Variants in IL1RAPL1 observed in about 807,000 individuals in gnomAD.
IL1RAPL1 encodes interleukin 1 receptor accessory protein like 1.
Under a neutral mutation model 48.4 loss-of-function variants are expected in IL1RAPL1, and 3 were observed. That is an observed-to-expected ratio of 0.06 (90% CI 0.03 to 0.16). The LOEUF is 0.16. IL1RAPL1 is among the 10% of genes least tolerant of loss of function. The probability of loss-of-function intolerance (pLI) is 1.00; values close to 1 mark genes in which losing one functional copy is unlikely to be tolerated. For synonymous variants in IL1RAPL1, 185 were observed against 187.7 expected (o/e 0.99, Z 0.12); for missense variants, 349 against 530.6 (o/e 0.66, Z 3.36).
At chrX:29,124,291 G>C (rs1377098881) in intron 2 of IL1RAPL1, among the ~76,000 whole-genome samples, 1 of 112,212 alleles carries the variant, frequency 8.9e-6, no homozygotes, top group African/African-American at 3.2e-5. Context: ...AGGTACTAGA[G>C]CTCTATGTAT....
intron 2 of IL1RAPL1, among the ~76,000 whole-genome samples, chrX:28,812,114 G>T (rs1936799061): frequency 9.0e-6 from 1 of 110,856 alleles, no homozygotes; most frequent in African/African-American, 3.3e-5. Context: ...TAGCATATTT[G>T]AATTACAGAG....
chrX:28,938,508 T>A (rs904806596), intron 2 of IL1RAPL1, among the ~76,000 whole-genome samples: 1 of 111,290 alleles, frequency 9.0e-6, no homozygotes, highest in African/African-American at 3.3e-5. Context: ...TTATACCATA[T>A]ACAAAAATCA....
At chrX:28,968,937 T>A (rs915229436) in intron 2 of IL1RAPL1, among the ~76,000 whole-genome samples, 1 of 112,845 alleles carries the variant, frequency 8.9e-6, no homozygotes, top group Non-Finnish European at 1.9e-5. Context: ...TTAGACTAAT[T>A]TATTGAATAA....
intron 2 of IL1RAPL1, among the ~76,000 whole-genome samples, chrX:29,158,527 C>T (rs1929611232): frequency 9.0e-6 from 1 of 110,885 alleles, no homozygotes; most frequent in Non-Finnish European, 1.9e-5. Context: ...AGGCACCTGC[C>T]ACCATGCCTG....
intron 6 of IL1RAPL1, among the ~76,000 whole-genome samples, chrX:29,720,725 A>T (rs1927618380): frequency 9.0e-6 from 1 of 111,664 alleles, no homozygotes; most frequent in African/African-American, 3.3e-5. Flanking sequence ...CACGTTCTGC[A>T]CATGTATCCT....
intron 6 of IL1RAPL1, among the ~76,000 whole-genome samples, chrX:29,736,048 G>T (rs1180004132): frequency 8.9e-6 from 1 of 112,101 alleles, no homozygotes; most frequent in African/African-American, 3.2e-5. Flanking sequence ...ATTATGATCA[G>T]CTAGACCACA....
chrX:29,444,679 A>G (rs1001225170), intron 5 of IL1RAPL1, among the ~76,000 whole-genome samples: 2 of 112,108 alleles, frequency 1.8e-5, no homozygotes, highest in African/African-American at 6.5e-5. Flanking sequence ...TGAGATCAGC[A>G]GGGTGTTATA....
rs181062760 is a variant in IL1RAPL1 at position 29,036,548 on chromosome X, T to C, written c.83-246390T>C. Among the ~76,000 whole-genome samples the C allele has an allele frequency of 1.2e-3, 134 of 112,085 alleles. 1 individual carries two copies. Among genetic ancestry groups the C allele is most frequent in the Non-Finnish European group, 2.0e-3 (106 of 53,161 alleles). On this transcript the variant is annotated intron_variant, in intron 2 of 10. Transcript: ENST00000378993. ...TCTCTTAATTACTGCTGGAAAATAT[T>C]GTCAAGGTTGGGAAGTTCTTTTAAT... is the stretch of plus-strand genomic sequence containing the variant.
At chrX:29,710,660 A>G (rs1358882042) in intron 6 of IL1RAPL1, among the ~76,000 whole-genome samples, 1 of 105,143 alleles carries the variant, frequency 9.5e-6, no homozygotes, top group Non-Finnish European at 1.9e-5. Context: ...ACTTTTATTG[A>G]ATAGTTTATC....
chrX:29,575,797 A>G (rs1922755404), intron 5 of IL1RAPL1, among the ~76,000 whole-genome samples: 1 of 111,809 alleles, frequency 8.9e-6, no homozygotes, highest in Non-Finnish European at 1.9e-5. Context: ...AATCAGAACA[A>G]TTTCCCCATC....
rs1307083618 is a variant in IL1RAPL1, at chrX:29,614,635, G to A, written c.704-53795G>A. Among the ~76,000 whole-genome samples, 4 of 111,505 alleles carry A rather than the reference G, an allele frequency of 3.6e-5. No individual in the cohort carries two copies. The Admixed American group carries it at 3.8e-4, about 11-fold the overall frequency. On this transcript the variant is annotated intron_variant, in intron 5 of 10. Coordinates refer to ENST00000378993, the MANE Select transcript of IL1RAPL1 (RefSeq NM_014271.4). ...ACACATATAGTTAATATTAGTGTAC[G>A]GTAAAGCTTCTCCACACATCTAGGA...
chrX:29,473,165 T>C (rs769955989), intron 5 of IL1RAPL1, among the ~76,000 whole-genome samples: 1 of 111,871 alleles, frequency 8.9e-6, no homozygotes, highest in African/African-American at 3.2e-5. Context: ...GCCATTGTTA[T>C]CTTCTTGTTG....
chrX:29,693,520 T>C (rs1427759501), intron 6 of IL1RAPL1, among the ~76,000 whole-genome samples: 2 of 112,555 alleles, frequency 1.8e-5, no homozygotes, highest in African/African-American at 6.5e-5. Context: ...TGCATGTGAC[T>C]TTAGGAAATT....
At chrX:29,010,222 T>C (rs763138879) in intron 2 of IL1RAPL1, among the ~76,000 whole-genome samples, 25 of 111,928 alleles carry the variant, frequency 2.2e-4, no homozygotes, top group Non-Finnish European at 3.2e-4. Context: ...CTTTTCCTAT[T>C]TGAATGCCTT....
intron 5 of IL1RAPL1, among the ~76,000 whole-genome samples, chrX:29,411,554 A>G (rs1271704929): frequency 9.0e-6 from 1 of 111,601 alleles, no homozygotes; most frequent in African/African-American, 3.3e-5. Context: ...TCATTATAAT[A>G]ACCCTGCCAG....
chrX:29,776,079 C>T (rs1929189366), intron 6 of IL1RAPL1, among the ~76,000 whole-genome samples: 1 of 111,749 alleles, frequency 8.9e-6, no homozygotes, highest in African/African-American at 3.3e-5. Flanking sequence ...AGCTTTCTCA[C>T]TTCCGCTAGA....
chrX:29,598,610 C>A (rs1008630770), intron 5 of IL1RAPL1, among the ~76,000 whole-genome samples: 1 of 111,380 alleles, frequency 9.0e-6, no homozygotes, highest in East Asian at 2.8e-4. Context: ...ATCTGTCCAG[C>A]GCTGTCAGTG....
chrX:29,902,337 A>C (rs1483814073), intron 6 of IL1RAPL1, among the ~76,000 whole-genome samples: 1 of 110,974 alleles, frequency 9.0e-6, no homozygotes, highest in Non-Finnish European at 1.9e-5. Context: ...CTTTTGTTTC[A>C]TGCAGGTAGA....
intron 2 of IL1RAPL1, among the ~76,000 whole-genome samples, chrX:29,281,915 C>G (rs1287374977): frequency 9.0e-6 from 1 of 111,688 alleles, no homozygotes; most frequent in Admixed American, 9.5e-5. Flanking sequence ...AAGGTACCAG[C>G]CAATTTGGTT....
Sources: gnomAD v4.1 joint callset for allele counts (sites outside exome capture counted in the v4.1 genomes callset) on GRCh38, gnomAD v4.1.1 for gene constraint, MANE v1.5 for transcripts, NCBI Gene and HGNC (gene_info 2026-07-23, HGNC 2026-07-21) for gene names.